FBLN1: variants seen among roughly 807,000 people sequenced by gnomAD.
The protein encoded by FBLN1 is fibulin 1.
FBLN1 carries 34 observed loss-of-function variants against 89.7 expected under a neutral mutation model. The observed-to-expected ratio is 0.38, with a 90% CI of 0.29 to 0.50. The LOEUF (loss-of-function observed/expected upper bound fraction) is 0.50, where lower values mean the gene tolerates loss of function less well. Ranked by LOEUF, FBLN1 falls within the 20% of genes least tolerant of loss-of-function variation. FBLN1 has a pLI of 0.92. For synonymous variants in FBLN1, 393 were observed against 391.3 expected, an observed-to-expected ratio of 1.00 and a Z score of -0.05; for missense variants, 777 against 988.1, an observed-to-expected ratio of 0.79 and a Z score of 2.86.
chr22:45,531,270 A>G lies in FBLN1; in HGVS notation c.490A>G (p.Ile164Val), dbSNP rs145471003. The change falls in exon 5 of 17, where the codon ATC becomes GTC. Residue 164 changes from isoleucine to valine, a missense_variant. Coordinates refer to ENST00000327858, the MANE Select transcript of FBLN1 (RefSeq NM_006486.3). The surrounding 1 kb of genome is among the most constrained non-coding windows in gnomAD (Gnocchi z 4.9). ...TTGGTCTTTTTCCCCCTTAGATAAG[A>G]TCATTGAGGTTGAGGAGGAACAAGA... Reference protein sequence around the residue: ...DVGGLQETDKIIEVEEEQEDP... With the variant: ...DVGGLQETDKVIEVEEEQEDP... 2.5e-4 allele frequency: 403 copies of G among 1,613,978 alleles called. No homozygotes were observed. Among genetic ancestry groups the G allele is most frequent in the Middle Eastern group, 1.8e-3 (11 of 6,062 alleles).
At chr22:45,598,793 C>T (rs889355142) in intron 16 of FBLN1, among the ~76,000 whole-genome samples, 2 of 152,272 alleles carry the variant, frequency 1.3e-5, no homozygotes, top group African/African-American at 4.8e-5. Flanking sequence ...GGCCGCTCTG[C>T]ACAGCTGGAG....
intron 14 of FBLN1, chr22:45,565,541 T>A: frequency 3.6e-6 from 1 of 274,020 alleles, no homozygotes; most frequent in East Asian, 8.8e-5. Context: ...CATCAGAGCA[T>A]TTACCCCATT....
Position 45,551,592 on chromosome 22 carries a change from C to T in FBLN1, c.1697+977C>T, listed in dbSNP as rs117801381. On this transcript the variant is annotated intron_variant, in intron 14 of 16. Transcript: ENST00000327858. ...CTCATTGGCTGGCCCAGCCATTTCC[C>T]TGTTTCCCAGCACGGATTTCTGTCT... Among the ~76,000 whole-genome samples, 72 of 152,362 alleles carry T rather than the reference C, an allele frequency of 4.7e-4. No individual in the cohort carries two copies. In the East Asian group the frequency reaches 0.014, roughly 29 times the overall value.
intron 14 of FBLN1, chr22:45,565,080 C>G: frequency 6.3e-7 from 1 of 1,598,834 alleles, no homozygotes; most frequent in Non-Finnish European, 8.5e-7. Context: ...GCCCTTTTCC[C>G]CACGGCCCTT....
chr22:45,568,489 C>T (rs75405071), intron 14 of FBLN1, among the ~76,000 whole-genome samples: 1,740 of 81,988 alleles, frequency 0.021, 26 homozygotes, highest in Middle Eastern at 0.04. Flanking sequence ...AGGGGAATGC[C>T]TCTTCTGTAG....
intron 14 of FBLN1, among the ~76,000 whole-genome samples, chr22:45,555,858 AT>A (rs1160144098): frequency 6.6e-6 from 1 of 152,224 alleles, no homozygotes; most frequent in African/African-American, 2.4e-5. Flanking sequence ...CCCAAATACT[AT>A]TATATAAAGT....
rs2088584184 is a variant in FBLN1 at position 45,543,435 on chromosome 22, G to C, written c.1230G>C (p.Leu410=). The C allele has an allele frequency of 6.2e-7, 1 of 1,613,610 alleles. No homozygotes were observed. The change falls in exon 11 of 17, where the codon CTG becomes CTC. Residue 410 remains leucine, a synonymous_variant. Coordinates refer to ENST00000327858, the MANE Select transcript of FBLN1 (RefSeq NM_006486.3). ...AGTGCCAGCGCTACCCCGGGCGCCT[G>C]TGTGGCCACAAGTGCGAGAACACGC... ...VNECQRYPGR[L]CGHKCENTLG... is the part of the protein sequence containing the mutation.
intron 12 of FBLN1, 99 bp from the exon 13 acceptor site, chr22:45,548,514 C>T (rs2088659849): frequency 4.5e-6 from 7 of 1,539,718 alleles, no homozygotes; most frequent in Non-Finnish European, 6.2e-6. Flanking sequence ...TGCTGCTGCC[C>T]TCCCGGGCCC....
chr22:45,587,227 G>A (rs1423647875), intron 16 of FBLN1, among the ~76,000 whole-genome samples: 1 of 152,080 alleles, frequency 6.6e-6, no homozygotes, highest in African/African-American at 2.4e-5. Flanking sequence ...TGCAGTGTCT[G>A]TGTTCTAAGC....
intron 16 of FBLN1, among the ~76,000 whole-genome samples, chr22:45,599,553 G>C (rs1417905336): frequency 6.6e-6 from 1 of 152,136 alleles, no homozygotes; most frequent in Non-Finnish European, 1.5e-5. Context: ...GGCACAGGGG[G>C]TTGGAAGGAG....
chr22:45,551,006 T>C, intron 14 of FBLN1: 1 of 330,166 alleles, frequency 3.0e-6, no homozygotes, highest in Non-Finnish European at 5.9e-6. Flanking sequence ...TGTCTCCATG[T>C]CAGCCCAAAG....
At chr22:45,564,832 T>G in intron 14 of FBLN1, 1 of 1,609,160 alleles carries the variant, frequency 6.2e-7, no homozygotes, top group Non-Finnish European at 8.5e-7. Context: ...CAGCCCTGGC[T>G]TATGTCACTA....
At position 45,550,427 on chromosome 22, in the gene FBLN1, G is replaced by T; in HGVS notation, c.1574-65G>T. 1 of 1,612,192 alleles carries T rather than the reference G, an allele frequency of 6.2e-7. No homozygotes were observed. Among genetic ancestry groups the T allele is most frequent in the Non-Finnish European group, 8.5e-7 (1 of 1,179,628 alleles). On this transcript the variant is annotated intron_variant, in intron 13 of 16. Coordinates refer to ENST00000327858, the MANE Select transcript of FBLN1 (RefSeq NM_006486.3). The surrounding 1 kb of genome is among the most constrained non-coding windows in gnomAD (Gnocchi z 8.4). ...GTTGATGGGAGGCCTGGGCTCCTCC[G>T]TCTCCAGATGGGTATGGCTCCTGCA...
intron 14 of FBLN1, chr22:45,565,436 T>TAAA: frequency 4.4e-6 from 2 of 451,946 alleles, no homozygotes; most frequent in South Asian, 2.1e-5. Context: ...TGTGCCATGC[T>TAAA]GTCCCCCTGC....
In FBLN1 at chr22:45,574,311, C is replaced by T. The variant is rs781767023; in HGVS notation, c.1698-200C>T. ...GAGGGTGTTGCTGGCATTTAGGTCCCGGTCCAGTTTGCAGGAAGGGCCATG... is the reference window on the plus strand; with the variant it reads ...GAGGGTGTTGCTGGCATTTAGGTCCTGGTCCAGTTTGCAGGAAGGGCCATG... On this transcript the variant is annotated intron_variant, in intron 14 of 16. Transcript: ENST00000327858. This position sits in a 1 kb window ranked among gnomAD's most constrained non-coding sequence, Gnocchi z 4.1. 3.9e-5 allele frequency among the ~76,000 whole-genome samples: 6 copies of T among 152,198 alleles called. No homozygotes were observed. The highest frequency in any genetic ancestry group is 5.9e-5 in the Non-Finnish European group (4 of 68,028).
In FBLN1 at chr22:45,588,772, T is replaced by A. The variant is rs1196238927; in HGVS notation, c.1973-11535T>A. ...ATTATTCTTTTTTAAAAATGAAATG[T>A]TTTAGCCAAACAGCAGTAGAGGCAT... On this transcript the variant is annotated intron_variant, in intron 16 of 16. Coordinates refer to ENST00000327858, the MANE Select transcript of FBLN1 (RefSeq NM_006486.3). This position sits in a 1 kb window ranked among gnomAD's most constrained non-coding sequence, Gnocchi z 5.1. 6.6e-6 allele frequency among the ~76,000 whole-genome samples: 1 copy of A among 151,598 alleles called. No individual in the cohort carries two copies. Among genetic ancestry groups the A allele is most frequent in the Non-Finnish European group, 1.5e-5 (1 of 67,966 alleles).
intron 16 of FBLN1, among the ~76,000 whole-genome samples, chr22:45,591,271 C>T (rs957157527): frequency 5.3e-5 from 8 of 152,132 alleles, no homozygotes; most frequent in African/African-American, 1.9e-4. Flanking sequence ...CCTGCGTTTG[C>T]GATGAGAGGA....
chr22:45,509,127 G>A (rs2088064975), intron 1 of FBLN1, among the ~76,000 whole-genome samples: 1 of 152,120 alleles, frequency 6.6e-6, no homozygotes, highest in African/African-American at 2.4e-5. Flanking sequence ...AATGCCAGGT[G>A]CAGAGGATGC....
At chr22:45,584,069 A>G (rs1008681313) in intron 16 of FBLN1, among the ~76,000 whole-genome samples, 2 of 152,194 alleles carry the variant, frequency 1.3e-5, no homozygotes, top group South Asian at 2.1e-4. Flanking sequence ...CTCTGGGTCA[A>G]CCGCCTTAAG....
Sources: gnomAD v4.1 joint callset for allele counts (sites outside exome capture counted in the v4.1 genomes callset) on GRCh38, gnomAD v4.1.1 for gene constraint, Gnocchi (gnomAD v3.1) non-coding constraint, MANE v1.5 for transcripts, NCBI Gene and HGNC (gene_info 2026-07-23, HGNC 2026-07-21) for gene names.